Variants in SMIM41 observed in about 807,000 individuals in gnomAD.
SMIM41 encodes small integral membrane protein 41.
At position 52,107,993 on chromosome 12, in the gene SMIM41, T is replaced by TAA. The variant is rs757792106; in HGVS notation, c.*813_*814dup. ...TCTCGGGGACCCTTTTCTCTTACTA[T>TAA]AAAATTGTTTCCTCCATTCTGAGGG... On this transcript the variant is annotated 3_prime_UTR_variant, in exon 3 of 3. Transcript: ENST00000546390. 1.9e-4 allele frequency: 49 copies of TAA among 257,030 alleles called. No individual in the cohort carries two copies. Among genetic ancestry groups the TAA allele is most frequent in the Non-Finnish European group, 3.3e-4 (43 of 131,716 alleles). 15.9% of individuals were successfully genotyped at this position (257,030 alleles called of 1,614,324 possible).
At chr12:52,092,807 A>G (rs1179853328) in intron 2 of SMIM41, 2 of 152,242 alleles carry the variant, frequency 1.3e-5, no homozygotes, top group Admixed American at 1.3e-4. Flanking sequence ...AAGGATTGTA[A>G]TGCCATGTTA....
At chr12:52,087,713 A>C (rs373087466) in intron 2 of SMIM41, 3 of 152,406 alleles carry the variant, frequency 2.0e-5, no homozygotes, top group East Asian at 3.9e-4. Flanking sequence ...ATCCTTAGGA[A>C]AATGAGATAG....
Position 52,081,841 on chromosome 12 carries a change from GA to G in SMIM41, c.*120+1661del, listed in dbSNP as rs1297010229. Among the ~76,000 whole-genome samples, 3 of 152,188 alleles carry G rather than the reference GA, an allele frequency of 2.0e-5. No homozygotes were observed. The highest frequency in any genetic ancestry group is 7.2e-5 in the African/African-American group (3 of 41,428). The stretch of plus-strand genomic sequence containing the variant: ...CACATGAATGACAGAGCTGGAAGCA[GA>G]CCCTGGGCCCTGATTCCAAGTTCAG... On this transcript the variant is annotated intron_variant, in intron 1 of 2. Coordinates refer to ENST00000546390, the MANE Select transcript of SMIM41 (RefSeq NM_001369216.1). This position sits in a 1 kb window ranked among gnomAD's most constrained non-coding sequence, Gnocchi z 4.1.
intron 2 of SMIM41, among the ~76,000 whole-genome samples, chr12:52,104,774 CCCTCTAAACTATTCTCTAAGAA>C (rs1940298214): frequency 6.6e-6 from 1 of 152,038 alleles, no homozygotes; most frequent in Non-Finnish European, 1.5e-5. Context: ...GGGAATGAGT[CCCTCTAAACTATTCTCTAAGAA>C]CAATAAAAAG....
chr12:52,104,457 G>A lies in SMIM41; in HGVS notation c.*196-2922G>A, dbSNP rs763443419. ...TGAGGATGGAGTCTGAGCCTCCATC[G>A]TGCACCACGCAGGGAGGACAGTGGA... On this transcript the variant is annotated intron_variant, in intron 2 of 2. Coordinates refer to ENST00000546390, the MANE Select transcript of SMIM41 (RefSeq NM_001369216.1). 7.9e-5 allele frequency among the ~76,000 whole-genome samples: 12 copies of A among 152,156 alleles called. No individual in the cohort carries two copies. The East Asian group carries it at 9.7e-4, about 12-fold the overall frequency.
chr12:52,088,882 T>G (rs1430842158), intron 2 of SMIM41, among the ~76,000 whole-genome samples: 1 of 152,100 alleles, frequency 6.6e-6, no homozygotes, highest in African/African-American at 2.4e-5. Context: ...CTACTGTCCC[T>G]CACGTGCTCC....
At chr12:52,090,021 TA>T (rs1166350120) in intron 2 of SMIM41, among the ~76,000 whole-genome samples, 1 of 152,116 alleles carries the variant, frequency 6.6e-6, no homozygotes, top group Non-Finnish European at 1.5e-5. Context: ...GCTGGAATTT[TA>T]AATGGAATCA....
At chr12:52,089,960 C>A (rs1939969420) in intron 2 of SMIM41, among the ~76,000 whole-genome samples, 1 of 152,104 alleles carries the variant, frequency 6.6e-6, no homozygotes, top group Non-Finnish European at 1.5e-5. Context: ...CACAGTTCAA[C>A]CTATGGAGCA....
chr12:52,089,648 A>G (rs1275853987), intron 2 of SMIM41, among the ~76,000 whole-genome samples: 3 of 149,280 alleles, frequency 2.0e-5, no homozygotes, highest in African/African-American at 7.7e-5. Flanking sequence ...CCTGCAGGAG[A>G]ATCCGTCCTT....
intron 2 of SMIM41, among the ~76,000 whole-genome samples, chr12:52,102,869 G>T (rs1312419701): frequency 6.6e-6 from 1 of 152,140 alleles, no homozygotes; most frequent in Non-Finnish European, 1.5e-5. Context: ...CTACCAAAAA[G>T]AATTAGAAGC....
At chr12:52,085,888 C>A (rs1015946504) in intron 2 of SMIM41, among the ~76,000 whole-genome samples, 1 of 152,138 alleles carries the variant, frequency 6.6e-6, no homozygotes, top group Non-Finnish European at 1.5e-5. Context: ...GGGCCATGGG[C>A]AGACAGGCGG....
At chr12:52,103,474 C>T (rs1169395019) in intron 2 of SMIM41, among the ~76,000 whole-genome samples, 1 of 151,438 alleles carries the variant, frequency 6.6e-6, no homozygotes, top group Non-Finnish European at 1.5e-5. Context: ...AAAGGATAAA[C>T]ACGACCAGAC....
chr12:52,098,852 T>C (rs918647820), intron 2 of SMIM41, among the ~76,000 whole-genome samples: 1 of 151,832 alleles, frequency 6.6e-6, no homozygotes, highest in African/African-American at 2.4e-5. Context: ...TTCAACGTAA[T>C]CTTAGCCTCT....
intron 2 of SMIM41, among the ~76,000 whole-genome samples, chr12:52,106,748 T>A (rs1421238484): frequency 6.6e-6 from 1 of 152,222 alleles, no homozygotes; most frequent in Non-Finnish European, 1.5e-5. Flanking sequence ...ATTACTCTCT[T>A]GAAGGAGAAA....
chr12:52,105,287 A>G (rs1940311930), intron 2 of SMIM41, among the ~76,000 whole-genome samples: 3 of 152,262 alleles, frequency 2.0e-5, no homozygotes, highest in Admixed American at 1.3e-4. Context: ...GCACAGGATC[A>G]TTCGGGATGC....
At chr12:52,080,425 C>T (rs1215712298) in intron 1 of SMIM41, among the ~76,000 whole-genome samples, 4 of 152,226 alleles carry the variant, frequency 2.6e-5, no homozygotes, top group Non-Finnish European at 5.9e-5. Context: ...TGGCCCCCTC[C>T]TCCCATCTTA....
intron 2 of SMIM41, among the ~76,000 whole-genome samples, chr12:52,101,077 C>T (rs1352465348): frequency 6.6e-6 from 1 of 151,994 alleles, no homozygotes; most frequent in African/African-American, 2.4e-5. Context: ...GTGAAATAAG[C>T]CAGGCACAGC....
intron 2 of SMIM41, chr12:52,104,267 G>C (rs1940281771): frequency 2.0e-5 from 3 of 152,700 alleles, no homozygotes; most frequent in South Asian, 4.1e-4. Context: ...GGGGAACTTG[G>C]GCGACTTTGG....
At chr12:52,103,371 A>C (rs972299252) in intron 2 of SMIM41, among the ~76,000 whole-genome samples, 4 of 150,330 alleles carry the variant, frequency 2.7e-5, no homozygotes, top group Non-Finnish European at 5.9e-5. Flanking sequence ...AAAAAAAAAA[A>C]ACCAAAAAAC....
Sources: allele counts gnomAD v4.1 joint callset (sites outside exome capture counted in the v4.1 genomes callset), GRCh38; gene constraint gnomAD v4.1.1; non-coding constraint Gnocchi (gnomAD v3.1); transcripts MANE v1.5; gene names NCBI Gene and HGNC (gene_info 2026-07-23, HGNC 2026-07-21).